The following APOLD1 variants were observed in gnomAD, a reference collection of about 807,000 sequenced individuals.
The protein encoded by APOLD1 is apolipoprotein L domain containing 1, also known as apolipoprotein L domain-containing protein 1.
A neutral mutation model predicts 15.3 loss-of-function variants in APOLD1; 22 were observed. The observed-to-expected ratio is 1.44, with a 90% CI of 1.03 to 2.05. The LOEUF (loss-of-function observed/expected upper bound fraction) is 2.05. Among genes scored for constraint, APOLD1 ranks in the 30% most tolerant of loss-of-function variants. The probability of loss-of-function intolerance (pLI) is 0.00; values close to 1 mark genes in which losing one functional copy is unlikely to be tolerated. For missense variants in APOLD1, 394 were observed against 353.5 expected (o/e 1.11, Z -0.92); for synonymous variants, 190 against 167.4 (o/e 1.13, Z -1.04).
At chr12:12,750,941 AT>A (rs34163043) in intron 1 of APOLD1, among the ~76,000 whole-genome samples, 56,510 of 141,946 alleles carry the variant, frequency 0.4, 10,828 homozygotes, top group Non-Finnish European at 0.43. Flanking sequence ...CACCTGGCTA[AT>A]TTTTTTTTTT....
At chr12:12,750,363 A>C (rs1946802311) in intron 1 of APOLD1, among the ~76,000 whole-genome samples, 1 of 99,810 alleles carries the variant, frequency 1.0e-5, no homozygotes, top group Non-Finnish European at 1.9e-5. Flanking sequence ...CAAGAGTGAG[A>C]CTCTGTCTCA....
At chr12:12,786,838 T>A in intron 1 of APOLD1, 71 bp from the exon 2 acceptor site, 1 of 1,342,570 alleles carries the variant, frequency 7.4e-7, no homozygotes, top group Non-Finnish European at 9.5e-7. Context: ...CCCGCTGGCG[T>A]CCGGGCAGCA....
intron 1 of APOLD1, among the ~76,000 whole-genome samples, chr12:12,770,184 C>T (rs1946975888): frequency 6.6e-6 from 1 of 152,052 alleles, no homozygotes; most frequent in Non-Finnish European, 1.5e-5. Context: ...CCGAGGCGGG[C>T]AGATCACGAA....
upstream of APOLD1, chr12:12,785,597 C>T (rs986061571): frequency 1.9e-6 from 3 of 1,612,600 alleles, no homozygotes; most frequent in Admixed American, 1.7e-5. Context: ...TGAGACAAGG[C>T]TTTCCCAGGG....
At chr12:12,727,564 C>T (rs1274277652) in intron 1 of APOLD1, among the ~76,000 whole-genome samples, 1 of 151,998 alleles carries the variant, frequency 6.6e-6, no homozygotes, top group African/African-American at 2.4e-5. Context: ...GACCCAAACT[C>T]AGCCTCTGAA....
chr12:12,736,951 T>G (rs1946691724), intron 1 of APOLD1, among the ~76,000 whole-genome samples: 1 of 152,224 alleles, frequency 6.6e-6, no homozygotes, highest in Admixed American at 6.5e-5. Flanking sequence ...AGCTCCCTTT[T>G]CTTTGTCATA....
exon 1 of APOLD1, chr12:12,726,092 G>A: frequency 7.0e-7 from 1 of 1,432,888 alleles, no homozygotes; most frequent in Non-Finnish European, 9.2e-7. Flanking sequence ...CCCTGCCTTG[G>A]AAAGGTAGAA....
intron 1 of APOLD1, among the ~76,000 whole-genome samples, chr12:12,740,563 T>C (rs1946723207): frequency 6.6e-6 from 1 of 152,242 alleles, no homozygotes; most frequent in African/African-American, 2.4e-5. Context: ...CTGAACTAGG[T>C]GAACCTAATA....
At chr12:12,760,928 A>G (rs1303778759) in intron 1 of APOLD1, among the ~76,000 whole-genome samples, 1 of 152,230 alleles carries the variant, frequency 6.6e-6, no homozygotes, top group Non-Finnish European at 1.5e-5. Flanking sequence ...GGAAAGTTAG[A>G]TCATTTAAAA....
At chr12:12,731,829 C>T (rs1043415766) in intron 1 of APOLD1, among the ~76,000 whole-genome samples, 8 of 152,206 alleles carry the variant, frequency 5.3e-5, no homozygotes, top group Non-Finnish European at 1.2e-4. Flanking sequence ...ATTTTTCCAG[C>T]TTCATTGGTG....
At chr12:12,747,818 T>C (rs1269842928) in intron 1 of APOLD1, among the ~76,000 whole-genome samples, 1 of 152,160 alleles carries the variant, frequency 6.6e-6, no homozygotes, top group Non-Finnish European at 1.5e-5. Context: ...TGAACACACA[T>C]GGAGTGATTG....
At chr12:12,760,676 A>G (rs1008030459) in intron 1 of APOLD1, among the ~76,000 whole-genome samples, 1 of 151,860 alleles carries the variant, frequency 6.6e-6, no homozygotes, top group African/African-American at 2.4e-5. Flanking sequence ...CCAAACAACC[A>G]AACAAACAAA....
chr12:12,761,850 G>GAGAA (rs1356942010), intron 1 of APOLD1, among the ~76,000 whole-genome samples: 28 of 149,626 alleles, frequency 1.9e-4, no homozygotes, highest in African/African-American at 6.0e-4. Context: ...GAGAGAGAGA[G>GAGAA]AGAGAGAGAG....
intron 1 of APOLD1, among the ~76,000 whole-genome samples, chr12:12,732,208 A>C (rs1004212745): frequency 6.6e-6 from 1 of 152,224 alleles, no homozygotes. Context: ...GAGAGAAACT[A>C]TGCTATGCAA....
intron 1 of APOLD1, among the ~76,000 whole-genome samples, chr12:12,750,138 C>T (rs985083603): frequency 5.3e-5 from 8 of 151,958 alleles, no homozygotes; most frequent in East Asian, 1.9e-4. Context: ...TTTGCGAGGC[C>T]GAGGCGGGCG....
intron 1 of APOLD1, among the ~76,000 whole-genome samples, chr12:12,726,754 A>T (rs1049580099): frequency 6.6e-6 from 1 of 152,064 alleles, no homozygotes; most frequent in Non-Finnish European, 1.5e-5. Context: ...AGGTCCATGA[A>T]AGACCATAAA....
chr12:12,728,864 A>C (rs1158173857), intron 1 of APOLD1, among the ~76,000 whole-genome samples: 2 of 152,178 alleles, frequency 1.3e-5, no homozygotes, highest in Non-Finnish European at 2.9e-5. Flanking sequence ...GCTCATTCTA[A>C]GATTGGGTCT....
intron 1 of APOLD1, among the ~76,000 whole-genome samples, chr12:12,786,127 T>C (rs556182388): frequency 6.6e-6 from 1 of 152,332 alleles, no homozygotes; most frequent in Admixed American, 6.5e-5. Context: ...AACAAAAATT[T>C]TGGCCACTTT....
chr12:12,787,533 A>T lies in APOLD1; in HGVS notation c.628A>T (p.Thr210Ser). Residue 210 changes from threonine to serine, a missense_variant, in exon 2 of 2, where the codon ACC becomes TCC. By Grantham distance (58) the Thr-to-Ser change is moderately conservative (BLOSUM62 1). Coordinates refer to ENST00000356591, the MANE Select transcript of APOLD1 (RefSeq NM_030817.3). This position sits in a 1 kb window ranked among gnomAD's most constrained non-coding sequence, Gnocchi z 4.9. ...ACTGGCCGAGAGCCTGGAGTCCTGC[A>T]CCGGGGCTCTGGACGAACTCAGCGA... ...QKLAESLESCTGALDELSEQL... is the reference protein window; with the variant it reads ...QKLAESLESCSGALDELSEQL... 6.2e-7 allele frequency: 1 copy of T among 1,613,916 alleles called. No individual in the cohort carries two copies. Among genetic ancestry groups the T allele is most frequent in the East Asian group, 2.2e-5 (1 of 44,886 alleles).
Sources: allele counts gnomAD v4.1 joint callset (sites outside exome capture counted in the v4.1 genomes callset), GRCh38; gene constraint gnomAD v4.1.1; non-coding constraint Gnocchi (gnomAD v3.1); transcripts MANE v1.5; gene names NCBI Gene and HGNC (gene_info 2026-07-23, HGNC 2026-07-21).